Variants in GRAMD1B observed in about 807,000 individuals in gnomAD.
The protein encoded by GRAMD1B is protein Aster-B.
Under a neutral mutation model 99.7 loss-of-function variants are expected in GRAMD1B, and 37 were observed. That is an observed-to-expected ratio of 0.37 (90% CI 0.29 to 0.49). The LOEUF (loss-of-function observed/expected upper bound fraction) is 0.49. Ranked by LOEUF, GRAMD1B falls within the 20% of genes least tolerant of loss-of-function variation. The pLI is 0.98. For synonymous variants in GRAMD1B, 427 were observed against 387.6 expected (o/e 1.10, Z -1.19); for missense variants, 888 against 1,009.2 (o/e 0.88, Z 1.63).
chr11:123,414,409 G>C (rs1948158366), intron 1 of GRAMD1B, among the ~76,000 whole-genome samples: 1 of 152,110 alleles, frequency 6.6e-6, no homozygotes, highest in Non-Finnish European at 1.5e-5. Flanking sequence ...CACTTATTGT[G>C]TGCCAGGGAC....
At chr11:123,519,073 C>G (rs971353041) in intron 2 of GRAMD1B, among the ~76,000 whole-genome samples, 1 of 152,196 alleles carries the variant, frequency 6.6e-6, no homozygotes, top group East Asian at 1.9e-4. Context: ...GCCCTCTGGC[C>G]GGGTGCCTGC....
intron 2 of GRAMD1B, among the ~76,000 whole-genome samples, chr11:123,552,837 G>T (rs899688345): frequency 6.6e-6 from 1 of 152,162 alleles, no homozygotes; most frequent in Non-Finnish European, 1.5e-5. Context: ...CTACAGCAAG[G>T]CCTGGCAATA....
chr11:123,433,956 G>A (rs771757721), intron 1 of GRAMD1B, among the ~76,000 whole-genome samples: 24 of 152,092 alleles, frequency 1.6e-4, no homozygotes, highest in East Asian at 3.9e-4. Flanking sequence ...TCAGCCGGGC[G>A]CAGTGGCTCA....
chr11:123,533,685 C>T (rs150901494), intron 2 of GRAMD1B, among the ~76,000 whole-genome samples: 2,483 of 152,306 alleles, frequency 0.016, 60 homozygotes, highest in African/African-American at 0.057. Context: ...CCTGAGCCTC[C>T]TGGAGTGCTG....
chr11:123,596,116 C>A, intron 7 of GRAMD1B, 79 bp downstream of exon 7: 2 of 785,832 alleles, frequency 2.5e-6, no homozygotes, highest in South Asian at 1.7e-5. Flanking sequence ...TCTTGAATCG[C>A]ATGAATGTGG....
intron 2 of GRAMD1B, among the ~76,000 whole-genome samples, chr11:123,489,298 T>G (rs1279127763): frequency 6.6e-6 from 1 of 152,064 alleles, no homozygotes; most frequent in Non-Finnish European, 1.5e-5. Flanking sequence ...ACTCATGGAG[T>G]GTGCCAGTGG....
intron 2 of GRAMD1B, among the ~76,000 whole-genome samples, chr11:123,500,316 C>A (rs774097451): frequency 3.9e-5 from 6 of 152,142 alleles, no homozygotes; most frequent in Admixed American, 2.0e-4. Context: ...AGCAAGACTC[C>A]ATCTCTCTCA....
chr11:123,396,977 G>A (rs565378500), intron 1 of GRAMD1B, among the ~76,000 whole-genome samples: 1 of 152,194 alleles, frequency 6.6e-6, no homozygotes, highest in East Asian at 1.9e-4. Context: ...CTTCACTGGG[G>A]TATAATTTAC....
At chr11:123,594,049 T>A in intron 4 of GRAMD1B, 33 bp from the exon 5 acceptor site, 1 of 1,434,250 alleles carries the variant, frequency 7.0e-7, no homozygotes, top group Non-Finnish European at 9.8e-7. Flanking sequence ...AGAACCGGGG[T>A]ACATCCTACT....
At chr11:123,468,540 T>C (rs532779011) in intron 1 of GRAMD1B, among the ~76,000 whole-genome samples, 80 of 152,274 alleles carry the variant, frequency 5.3e-4, no homozygotes, top group African/African-American at 1.9e-3. Context: ...ACGCCTGTAA[T>C]CCTGGCACTT....
intron 1 of GRAMD1B, among the ~76,000 whole-genome samples, chr11:123,450,806 G>A (rs928092976): frequency 2.0e-5 from 3 of 152,154 alleles, no homozygotes; most frequent in African/African-American, 7.2e-5. Flanking sequence ...ACAGGATTAA[G>A]CTGGGTCTCT....
At chr11:123,383,896 AGTCT>A (rs1485880247) in intron 1 of GRAMD1B, among the ~76,000 whole-genome samples, 2 of 151,252 alleles carry the variant, frequency 1.3e-5, no homozygotes, top group East Asian at 3.9e-4. Flanking sequence ...TTTGAGATGG[AGTCT>A]TGCTCTGTTG....
intron 2 of GRAMD1B, among the ~76,000 whole-genome samples, chr11:123,516,653 T>C (rs1384096723): frequency 6.6e-6 from 1 of 152,174 alleles, no homozygotes; most frequent in Non-Finnish European, 1.5e-5. Context: ...TATTCACCAT[T>C]ACTCGTCTGT....
chr11:123,614,637 G>T, intron 16 of GRAMD1B, 108 bp from the exon 17 acceptor site: 1 of 639,586 alleles, frequency 1.6e-6, no homozygotes. Context: ...CAGTGTCATG[G>T]ACATTTTTCC....
chr11:123,606,475 C>G, intron 10 of GRAMD1B, 134 bp from the exon 11 acceptor site: 3 of 741,418 alleles, frequency 4.0e-6, no homozygotes, highest in Non-Finnish European at 4.4e-6. Context: ...GGCTTTGGAG[C>G]CTGACTCTGA....
At chr11:123,429,860 C>T (rs1452857593), upstream of GRAMD1B, among the ~76,000 whole-genome samples, 1 of 152,172 alleles carries the variant, frequency 6.6e-6, no homozygotes, top group East Asian at 1.9e-4. This position sits in a 1 kb window ranked among gnomAD's most constrained non-coding sequence, Gnocchi z 4.0. Context: ...ACTACTCACG[C>T]CCCCAAATAA....
chr11:123,440,733 G>A (rs188997092), intron 1 of GRAMD1B, among the ~76,000 whole-genome samples: 20 of 152,166 alleles, frequency 1.3e-4, no homozygotes, highest in Non-Finnish European at 2.4e-4. Flanking sequence ...AAGAAGCATG[G>A]TGCCAGTATC....
intron 2 of GRAMD1B, among the ~76,000 whole-genome samples, chr11:123,522,963 T>G (rs968521140): frequency 9.9e-5 from 15 of 152,120 alleles, no homozygotes; most frequent in Non-Finnish European, 1.9e-4. Context: ...AGAGAATAGG[T>G]TTTTGAGCTG....
intron 2 of GRAMD1B, among the ~76,000 whole-genome samples, chr11:123,543,069 A>C (rs562139571): frequency 2.0e-5 from 3 of 151,534 alleles, no homozygotes; most frequent in African/African-American, 7.3e-5. Context: ...TTCTCAGCTT[A>C]CTTTTTATAC....
Sources: allele counts gnomAD v4.1 joint callset (sites outside exome capture counted in the v4.1 genomes callset), GRCh38; gene constraint gnomAD v4.1.1; non-coding constraint Gnocchi (gnomAD v3.1); transcripts MANE v1.5; gene names NCBI Gene and HGNC (gene_info 2026-07-23, HGNC 2026-07-21).